The following ZNF536 variants were observed in gnomAD, a reference collection of about 807,000 sequenced individuals.
ZNF536 encodes zinc finger protein 536.
In ZNF536, 13 loss-of-function variants were observed where a neutral mutation model predicts 84.5. That is an observed-to-expected ratio of 0.15 (90% CI 0.10 to 0.24). The LOEUF (loss-of-function observed/expected upper bound fraction) is 0.24. Among genes scored for constraint, ZNF536 ranks in the 10% least tolerant of loss-of-function variants. ZNF536 has a pLI of 1.00. For missense variants in ZNF536, 1,536 were observed against 1,747.5 expected (o/e 0.88, Z 2.16); for synonymous variants, 811 against 742.5 (o/e 1.09, Z -1.50).
At chr19:30,410,357 TATATA>T (rs2050428162) in intron 1 of ZNF536, among the ~76,000 whole-genome samples, 1 of 151,862 alleles carries the variant, frequency 6.6e-6, no homozygotes, top group Non-Finnish European at 1.5e-5. Flanking sequence ...TTCCAACTGA[TATATA>T]AGATATATAG....
intron 1 of ZNF536, among the ~76,000 whole-genome samples, chr19:30,572,283 G>A (rs2046575678): frequency 6.6e-6 from 1 of 152,164 alleles, no homozygotes; most frequent in African/African-American, 2.4e-5. Context: ...CTTATCCCTC[G>A]CACATTCATG....
chr19:30,229,664 G>T (rs1172261018), intron 1 of ZNF536, among the ~76,000 whole-genome samples: 4 of 152,216 alleles, frequency 2.6e-5, no homozygotes, highest in Non-Finnish European at 4.4e-5. Context: ...GCTTCTGGCT[G>T]AAGGCTGCTT....
chr19:30,298,859 A>G (rs2046089709), intron 2 of ZNF536, among the ~76,000 whole-genome samples: 2 of 152,238 alleles, frequency 1.3e-5, no homozygotes, highest in African/African-American at 4.8e-5. Context: ...CAGCTGCAAG[A>G]CTTTGGGTCA....
chr19:30,370,643 C>G (rs1373066121), upstream of ZNF536, among the ~76,000 whole-genome samples: 1 of 152,110 alleles, frequency 6.6e-6, no homozygotes, highest in East Asian at 1.9e-4. Flanking sequence ...AAATCAAGCT[C>G]TAAATATGGC....
Position 30,415,284 on chromosome 19 carries a change from C to CCTTCTTCTTCTTCTT in ZNF536, c.-2-28268_-2-28254dup, listed in dbSNP as rs527266201. Among the ~76,000 whole-genome samples the CCTTCTTCTTCTTCTT allele has an allele frequency of 2.9e-3, 351 of 120,174 alleles. 2 individuals carry two copies. Among genetic ancestry groups the CCTTCTTCTTCTTCTT allele is most frequent in the Middle Eastern group, 0.022 (5 of 224 alleles). 78.8% of individuals were successfully genotyped at this position (120,174 alleles called of 152,430 possible). A position where few individuals can be genotyped will look rare whatever the true frequency, so the allele number is the denominator to read the frequency against. On this transcript the variant is annotated intron_variant, in intron 1 of 4. Transcript: ENST00000355537. ...TTCTCCTCCTCCTGCTCCTCCTCCTCCTTCTTCTTCTTCTTCTTCTTCTCC... is the reference window on the plus strand; with the variant it reads ...TTCTCCTCCTCCTGCTCCTCCTCCTCCTTCTTCTTCTTCTTCTTCTTCTTCTTCTTCTTCTTCTCC...
intron 1 of ZNF536, among the ~76,000 whole-genome samples, chr19:30,658,091 C>T (rs1373717306): frequency 1.3e-5 from 2 of 150,876 alleles, no homozygotes; most frequent in Non-Finnish European, 2.9e-5. Context: ...GGCGCAATCT[C>T]GGCTCACTGC....
chr19:30,354,373 A>G lies in ZNF536; in HGVS notation c.-3+1889A>G, dbSNP rs534021885. 3.9e-5 allele frequency among the ~76,000 whole-genome samples: 6 copies of G among 152,236 alleles called. No individual in the cohort carries two copies. The East Asian group carries it at 1.2e-3, about 29-fold the overall frequency. Reference sequence around the variant, plus strand: ...GGGATGCATTTTATTTTATTGATGTATTTATTTTCGTAGAGATGGGGTCTT... The same window carrying G: ...GGGATGCATTTTATTTTATTGATGTGTTTATTTTCGTAGAGATGGGGTCTT... On this transcript the variant is annotated intron_variant, in intron 3 of 5. Transcript: ENST00000585628.
chr19:30,652,474 C>A (rs1181681312), intron 1 of ZNF536, among the ~76,000 whole-genome samples: 1 of 152,112 alleles, frequency 6.6e-6, no homozygotes, highest in Admixed American at 6.5e-5. Context: ...CTGTAATTAT[C>A]GATAGATGTG....
intron 1 of ZNF536, among the ~76,000 whole-genome samples, chr19:30,689,205 C>T (rs1395760028): frequency 1.3e-5 from 2 of 152,218 alleles, no homozygotes; most frequent in Non-Finnish European, 2.9e-5. Context: ...AAGCTGAGAA[C>T]AAAATGTTCT....
At chr19:30,336,964 C>T (rs767387827) in intron 2 of ZNF536, among the ~76,000 whole-genome samples, 3 of 152,132 alleles carry the variant, frequency 2.0e-5, no homozygotes, top group Admixed American at 6.5e-5. Flanking sequence ...TTTGTATCAT[C>T]TGGGTTGGGT....
At chr19:30,654,991 G>C (rs1300560560) in intron 1 of ZNF536, among the ~76,000 whole-genome samples, 2 of 152,226 alleles carry the variant, frequency 1.3e-5, no homozygotes, top group African/African-American at 4.8e-5. Context: ...GCTGTCACCT[G>C]CACAGTGAAC....
chr19:30,508,860 C>T (rs1330555682), intron 2 of ZNF536, among the ~76,000 whole-genome samples: 1 of 112,912 alleles, frequency 8.9e-6, no homozygotes, highest in African/African-American at 3.5e-5. Context: ...CAGGGTCTTG[C>T]TCTGTCACCC....
chr19:30,370,360 T>C (rs893331591), upstream of ZNF536, among the ~76,000 whole-genome samples: 1 of 152,172 alleles, frequency 6.6e-6, no homozygotes, highest in African/African-American at 2.4e-5. Flanking sequence ...AAGGTGCATT[T>C]AGGGAAATTT....
At chr19:30,459,525 AT>A (rs1379836808) in intron 2 of ZNF536, among the ~76,000 whole-genome samples, 1 of 151,450 alleles carries the variant, frequency 6.6e-6, no homozygotes, top group Non-Finnish European at 1.5e-5. Flanking sequence ...TAATTTTTGT[AT>A]TTTTAGTAGA....
chr19:30,712,748 C>T (rs750185260), exon 2 of ZNF536: 1 of 152,020 alleles, frequency 6.6e-6, no homozygotes, highest in Non-Finnish European at 1.5e-5. Flanking sequence ...TTACTTAAAT[C>T]GAGTTGATAA....
In ZNF536 at chr19:30,676,088, C is replaced by T. The variant is rs185936143; in HGVS notation, c.170-34669C>T. Among the ~76,000 whole-genome samples, 197 of 152,134 alleles carry T rather than the reference C, an allele frequency of 1.3e-3. 1 individual carries two copies. Among genetic ancestry groups the T allele is most frequent in the Admixed American group, 3.6e-3 (55 of 15,280 alleles). ...GTTGCCCAGGCTGGTCTTGAACTCC[C>T]GGGGTCAAGAGATCCTCCCTTCTCC... On this transcript the variant is annotated intron_variant, in intron 1 of 1. Coordinates refer to the ZNF536 transcript ENST00000592773.
intron 1 of ZNF536, among the ~76,000 whole-genome samples, chr19:30,399,832 C>T (rs138039068): frequency 1.9e-3 from 289 of 152,062 alleles, no homozygotes; most frequent in Admixed American, 4.6e-3. Flanking sequence ...GGATTACAGG[C>T]GCCCACCACC....
At chr19:30,705,308 G>GAT (rs1431909666) in intron 1 of ZNF536, among the ~76,000 whole-genome samples, 1 of 125,826 alleles carries the variant, frequency 7.9e-6, no homozygotes, top group Non-Finnish European at 1.8e-5. Context: ...AACTCAGAAA[G>GAT]ATGTGTGTGT....
Position 30,443,683 on chromosome 19 carries a change from T to G in ZNF536, c.121T>G (p.Ser41Ala). The change falls in exon 2 of 5, where the codon TCC becomes GCC. Residue 41 changes from serine (S) to alanine (A), a missense_variant. Ser to Ala is a moderately conservative substitution (Grantham distance 99). Coordinates refer to ENST00000355537, the MANE Select transcript of ZNF536 (RefSeq NM_014717.3). Reference protein sequence around the residue: ...AMSQKLHQITSQLSHAFPELH... With the variant: ...AMSQKLHQITAQLSHAFPELH... ...GAGTCAGAAGCTGCACCAGATCACC[T>G]CCCAGCTCAGCCATGCCTTCCCCGA... 1.2e-6 allele frequency: 2 copies of G among 1,613,706 alleles called. No homozygotes were observed. The highest frequency in any genetic ancestry group is 2.2e-5 in the South Asian group (2 of 91,024).
Sources: gnomAD v4.1 joint callset for allele counts (sites outside exome capture counted in the v4.1 genomes callset) on GRCh38, gnomAD v4.1.1 for gene constraint, MANE v1.5 for transcripts, NCBI Gene and HGNC (gene_info 2026-07-23, HGNC 2026-07-21) for gene names.